ESRRG: variants seen among roughly 807,000 people sequenced by gnomAD.
The protein encoded by ESRRG is estrogen-related receptor gamma.
A neutral mutation model predicts 44.0 loss-of-function variants in ESRRG; 13 were observed. The ratio of observed to expected loss-of-function variants is 0.30; its 90% CI spans 0.19 to 0.47. ESRRG has a LOEUF of 0.47. Ranked by LOEUF, ESRRG falls within the 20% of genes least tolerant of loss-of-function variation. The probability of loss-of-function intolerance (pLI) is 1.00; values close to 1 mark genes in which losing one functional copy is unlikely to be tolerated. For synonymous variants in ESRRG, 215 were observed against 214.6 expected, an observed-to-expected ratio of 1.00 and a Z score of -0.02; for missense variants, 395 against 580.6, an observed-to-expected ratio of 0.68 and a Z score of 3.29.
chr1:216,882,993 C>T (rs2096467522), intron 2 of ESRRG, among the ~76,000 whole-genome samples: 1 of 151,962 alleles, frequency 6.6e-6, no homozygotes, highest in African/African-American at 2.4e-5. Context: ...CTACCGCTTT[C>T]CTTATTTAAA....
chr1:217,081,492 G>A (rs1476992546), intron 1 of ESRRG, among the ~76,000 whole-genome samples: 1 of 152,246 alleles, frequency 6.6e-6, no homozygotes, highest in African/African-American at 2.4e-5. Flanking sequence ...CTCCCAAAGT[G>A]CTGGGATCAC....
chr1:216,799,498 G>A (rs2094558885), intron 2 of ESRRG, among the ~76,000 whole-genome samples: 1 of 151,952 alleles, frequency 6.6e-6, no homozygotes, highest in South Asian at 2.1e-4. Flanking sequence ...TGACCTCCAG[G>A]AGCTCACAAT....
intron 2 of ESRRG, among the ~76,000 whole-genome samples, chr1:216,937,361 C>T (rs1023581046): frequency 1.3e-5 from 2 of 152,074 alleles, no homozygotes; most frequent in Non-Finnish European, 2.9e-5. Context: ...GTAGCTACTC[C>T]CAGACTACAT....
intron 3 of ESRRG, among the ~76,000 whole-genome samples, chr1:216,581,635 AAGAG>A (rs112365344): frequency 4.7e-5 from 7 of 150,054 alleles, no homozygotes; most frequent in Non-Finnish European, 8.9e-5. Flanking sequence ...TGTTTAAATA[AAGAG>A]AGAGAGAGAG....
intron 1 of ESRRG, among the ~76,000 whole-genome samples, chr1:216,972,056 G>GT (rs937192558): frequency 2.5e-4 from 38 of 151,572 alleles, no homozygotes; most frequent in East Asian, 1.4e-3. Context: ...AATTGGTAGA[G>GT]TTTTTTTTTC....
intron 3 of ESRRG, among the ~76,000 whole-genome samples, chr1:216,571,121 A>C (rs1432361999): frequency 6.6e-6 from 1 of 152,172 alleles, no homozygotes; most frequent in African/African-American, 2.4e-5. Flanking sequence ...GAAGTGCAAC[A>C]ATGAAAGCTA....
intron 1 of ESRRG, among the ~76,000 whole-genome samples, chr1:217,062,517 G>A (rs2088769163): frequency 6.6e-6 from 1 of 152,138 alleles, no homozygotes; most frequent in Admixed American, 6.5e-5. Context: ...AACAGAATCA[G>A]CTGCTCCAAA....
rs527594053 is a variant in ESRRG, at chr1:217,130,842, C to A, written c.-230+6825G>T. Among the ~76,000 whole-genome samples the A allele has an allele frequency of 3.3e-5, 5 of 152,070 alleles. No individual in the cohort carries two copies. The East Asian group carries it at 9.7e-4, about 29-fold the overall frequency. ...ACAAACTAAGTATTCATCAAGCCTTCCTGAAAAAGAACACATACATTTTCT... is the reference window on the plus strand; with the variant it reads ...ACAAACTAAGTATTCATCAAGCCTTACTGAAAAAGAACACATACATTTTCT... On this transcript the variant is annotated intron_variant, in intron 1 of 8. Transcript: ENST00000366940.
intron 2 of ESRRG, among the ~76,000 whole-genome samples, chr1:216,913,561 C>T (rs1042361195): frequency 1.1e-4 from 17 of 152,268 alleles, no homozygotes; most frequent in Non-Finnish European, 2.2e-4. Flanking sequence ...ATTGTGGCTT[C>T]GAAGATAGGA....
At chr1:216,743,433 A>G (rs776108306) in intron 2 of ESRRG, among the ~76,000 whole-genome samples, 1 of 152,192 alleles carries the variant, frequency 6.6e-6, no homozygotes, top group African/African-American at 2.4e-5. Flanking sequence ...TAGAATTCAG[A>G]AAGTCCCTTA....
intron 2 of ESRRG, among the ~76,000 whole-genome samples, chr1:216,850,518 A>G (rs2095825489): frequency 6.6e-6 from 1 of 152,108 alleles, no homozygotes; most frequent in South Asian, 2.1e-4. Context: ...CATGTCTGGA[A>G]ACAGGCTAAA....
chr1:216,637,954 T>C (rs1182931472), intron 3 of ESRRG, among the ~76,000 whole-genome samples: 1 of 152,072 alleles, frequency 6.6e-6, no homozygotes, highest in African/African-American at 2.4e-5. Flanking sequence ...GAAAAATTAT[T>C]CCTGCACCCA....
At chr1:217,116,090 G>A (rs1389457907) in intron 1 of ESRRG, among the ~76,000 whole-genome samples, 3 of 152,146 alleles carry the variant, frequency 2.0e-5, no homozygotes, top group African/African-American at 7.2e-5. Flanking sequence ...ATTAGTGTGT[G>A]TTTTTTCCCA....
chr1:216,810,230 G>T (rs1443956895), intron 2 of ESRRG, among the ~76,000 whole-genome samples: 1 of 152,100 alleles, frequency 6.6e-6, no homozygotes, highest in Non-Finnish European at 1.5e-5. Context: ...ATGCCTCCAT[G>T]CCTTTGCGCA....
intron 1 of ESRRG, among the ~76,000 whole-genome samples, chr1:216,701,865 G>A (rs773422451): frequency 4.6e-5 from 7 of 152,192 alleles, no homozygotes; most frequent in Admixed American, 6.5e-5. Flanking sequence ...TGCTATTAGA[G>A]AGCAGTATTT....
intron 1 of ESRRG, among the ~76,000 whole-genome samples, chr1:216,952,019 C>G (rs77804655): frequency 2.0e-5 from 3 of 151,950 alleles, no homozygotes; most frequent in African/African-American, 7.3e-5. Context: ...AATACACAAC[C>G]TGCATCCAAA....
intron 1 of ESRRG, among the ~76,000 whole-genome samples, chr1:216,963,151 C>T (rs1279736896): frequency 6.6e-6 from 1 of 152,118 alleles, no homozygotes; most frequent in Non-Finnish European, 1.5e-5. Flanking sequence ...AAATGTGATT[C>T]ATCTACCTAA....
At chr1:216,697,581 T>A (rs1332348666) in intron 1 of ESRRG, among the ~76,000 whole-genome samples, 1 of 152,238 alleles carries the variant, frequency 6.6e-6, no homozygotes, top group African/African-American at 2.4e-5. Context: ...GCACAAGGCA[T>A]GGTGCTAGCT....
At chr1:216,568,134 G>A (rs773927300) in intron 3 of ESRRG, 36 bp from the exon 4 acceptor site, 17 of 1,456,804 alleles carry the variant, frequency 1.2e-5, no homozygotes, top group Non-Finnish European at 1.5e-5. Context: ...TACTATTAAG[G>A]TAGCTATGTT....
Sources: gnomAD v4.1 joint callset for allele counts (sites outside exome capture counted in the v4.1 genomes callset) on GRCh38, gnomAD v4.1.1 for gene constraint, MANE v1.5 for transcripts, NCBI Gene and HGNC (gene_info 2026-07-23, HGNC 2026-07-21) for gene names.